The following C8orf34 variants were observed in gnomAD, a reference collection of about 807,000 sequenced individuals.
C8orf34 encodes the protein uncharacterized protein C8orf34.
A neutral mutation model predicts 68.3 loss-of-function variants in C8orf34; 65 were observed. That is an observed-to-expected ratio of 0.95 (90% CI 0.78 to 1.17). The LOEUF is 1.17. Among genes scored for constraint, C8orf34 ranks in the 50% most tolerant of loss-of-function variants. The pLI, the probability that C8orf34 is intolerant of heterozygous loss-of-function variation, is 0.00. For synonymous variants in C8orf34, 244 were observed against 241.2 expected (o/e 1.01, Z -0.11); for missense variants, 664 against 655.4 (o/e 1.01, Z -0.14).
In C8orf34 at chr8:68,514,402, C is replaced by T. The variant is rs556529343; in HGVS notation, c.766-7397C>T. Among the ~76,000 whole-genome samples the T allele has an allele frequency of 2.6e-5, 4 of 152,294 alleles. No individual in the cohort carries two copies. In the South Asian group the frequency reaches 8.3e-4, roughly 32 times the overall value. ...GCCATTAAGTCTATCATTCTACCACCCACTAATGGTATTATCATGCAAGGC... is the reference window on the plus strand; with the variant it reads ...GCCATTAAGTCTATCATTCTACCACTCACTAATGGTATTATCATGCAAGGC... On this transcript the variant is annotated intron_variant, in intron 5 of 13. Coordinates refer to ENST00000518698, the MANE Select transcript of C8orf34 (RefSeq NM_052958.4).
chr8:68,718,264 T>C (rs1821534373), intron 9 of C8orf34, among the ~76,000 whole-genome samples: 1 of 152,172 alleles, frequency 6.6e-6, no homozygotes, highest in Non-Finnish European at 1.5e-5. Flanking sequence ...ACAAGACAGA[T>C]ACTGTTTAAT....
rs184453505 is a variant in C8orf34 at position 68,601,607 on chromosome 8, G to T, written c.1106-38769G>T. On this transcript the variant is annotated intron_variant, in intron 7 of 13. Coordinates refer to ENST00000518698, the MANE Select transcript of C8orf34 (RefSeq NM_052958.4). The stretch of plus-strand genomic sequence containing the variant: ...CTTTTGACTACTATTTCTCTGCTGA[G>T]ATTCATTTTATCCTTTTCATTTGAT... 7.9e-5 allele frequency among the ~76,000 whole-genome samples: 12 copies of T among 152,126 alleles called. No individual in the cohort carries two copies. The East Asian group carries it at 2.3e-3, about 29-fold the overall frequency.
chr8:68,675,633 C>G (rs1820163630), intron 8 of C8orf34, among the ~76,000 whole-genome samples: 1 of 149,882 alleles, frequency 6.7e-6, no homozygotes, highest in Admixed American at 6.7e-5. Context: ...AGAAAATCAC[C>G]TTCACTAAAA....
chr8:68,397,015 C>CT (rs984686360), intron 1 of C8orf34, among the ~76,000 whole-genome samples: 149 of 150,928 alleles, frequency 9.9e-4, no homozygotes, highest in African/African-American at 3.2e-3. Context: ...TATTTATTTT[C>CT]TTTTTTTTTG....
chr8:68,725,754 C>A (rs1042676747), intron 10 of C8orf34, among the ~76,000 whole-genome samples: 1 of 152,118 alleles, frequency 6.6e-6, no homozygotes. Context: ...TCCCAGTGCC[C>A]AAACTGTCTT....
rs541503473 is a variant in C8orf34 at position 68,578,762 on chromosome 8, C to T, written c.1105+45613C>T. ...GTACATAACACATACTTGAATGCAA[C>T]TAGTATATGTGAATTTCAAACAGTT... On this transcript the variant is annotated intron_variant, in intron 7 of 13. Transcript: ENST00000518698. 2.6e-5 allele frequency among the ~76,000 whole-genome samples: 4 copies of T among 152,020 alleles called. No individual in the cohort carries two copies. The East Asian group carries it at 5.8e-4, about 22-fold the overall frequency.
At chr8:68,425,999 C>T (rs779393698) in intron 1 of C8orf34, among the ~76,000 whole-genome samples, 22 of 151,956 alleles carry the variant, frequency 1.4e-4, no homozygotes, top group Non-Finnish European at 2.9e-4. Flanking sequence ...TTAAACATTG[C>T]GTCTTATGCA....
chr8:68,779,919 A>T (rs1006754518), intron 11 of C8orf34, among the ~76,000 whole-genome samples: 4 of 152,188 alleles, frequency 2.6e-5, no homozygotes, highest in African/African-American at 4.8e-5. Context: ...CATAATTTTT[A>T]AAAAAGTTGT....
At chr8:68,615,667 T>C (rs561762822) in intron 7 of C8orf34, among the ~76,000 whole-genome samples, 457 of 152,354 alleles carry the variant, frequency 3.0e-3, no homozygotes, top group Middle Eastern at 6.8e-3. Context: ...ATAAGCTTTT[T>C]GATGTGCTGC....
At chr8:68,499,199 T>C (rs915383807) in intron 5 of C8orf34, among the ~76,000 whole-genome samples, 11 of 152,192 alleles carry the variant, frequency 7.2e-5, no homozygotes, top group Admixed American at 5.9e-4. Flanking sequence ...TGTTCCTGCA[T>C]TGATTCGCTT....
intron 11 of C8orf34, among the ~76,000 whole-genome samples, chr8:68,785,637 T>C (rs546461075): frequency 5.6e-4 from 85 of 152,358 alleles, no homozygotes; most frequent in African/African-American, 1.9e-3. Context: ...TTTATGTTCT[T>C]TCTTTTTTGA....
At chr8:68,525,599 A>G in intron 6 of C8orf34, 1 of 877,580 alleles carries the variant, frequency 1.1e-6, no homozygotes, top group Non-Finnish European at 1.9e-6. Flanking sequence ...TGAGGTTGTC[A>G]GTACAATGAA....
At chr8:68,709,702 C>T (rs564164657) in intron 9 of C8orf34, among the ~76,000 whole-genome samples, 1 of 152,252 alleles carries the variant, frequency 6.6e-6, no homozygotes, top group Admixed American at 6.5e-5. Flanking sequence ...GACTATCTCA[C>T]CCCTCTTTTG....
chr8:68,361,176 GGAA>G (rs1471476072), intron 1 of C8orf34, among the ~76,000 whole-genome samples: 7 of 152,160 alleles, frequency 4.6e-5, no homozygotes, highest in African/African-American at 1.7e-4. Flanking sequence ...AAGGAGTGAG[GGAA>G]GAAGGTTTCG....
chr8:68,806,962 A>T (rs936025502), intron 12 of C8orf34, among the ~76,000 whole-genome samples: 5 of 152,312 alleles, frequency 3.3e-5, no homozygotes, highest in Admixed American at 6.5e-5. Flanking sequence ...GTTAACTCTC[A>T]TGTCTAGTGA....
intron 12 of C8orf34, among the ~76,000 whole-genome samples, chr8:68,809,822 T>C (rs1824592778): frequency 6.6e-6 from 1 of 152,114 alleles, no homozygotes; most frequent in South Asian, 2.1e-4. Context: ...ATGGTCTCAT[T>C]GGAGGTAGTC....
chr8:68,509,464 C>G (rs1814166879), intron 5 of C8orf34, among the ~76,000 whole-genome samples: 1 of 152,158 alleles, frequency 6.6e-6, no homozygotes, highest in African/African-American at 2.4e-5. Flanking sequence ...CTTCTGGGTT[C>G]CCTTCCCCTG....
At chr8:68,469,742 A>G (rs1044533405) in intron 4 of C8orf34, among the ~76,000 whole-genome samples, 27 of 151,768 alleles carry the variant, frequency 1.8e-4, no homozygotes, top group African/African-American at 6.1e-4. Context: ...AGTGGAAAGT[A>G]GTTAGAACAC....
intron 7 of C8orf34, among the ~76,000 whole-genome samples, chr8:68,616,029 G>C (rs1387795728): frequency 6.6e-6 from 1 of 151,216 alleles, no homozygotes; most frequent in South Asian, 2.1e-4. Context: ...GAGGGTGTAC[G>C]TGTCGAGGAA....
Sources: allele counts gnomAD v4.1 joint callset (sites outside exome capture counted in the v4.1 genomes callset), GRCh38; gene constraint gnomAD v4.1.1; transcripts MANE v1.5; gene names NCBI Gene and HGNC (gene_info 2026-07-23, HGNC 2026-07-21).